Variants in VAV1 observed in about 807,000 individuals in gnomAD.
VAV1 encodes the protein proto-oncogene vav.
Under a neutral mutation model 128.1 loss-of-function variants are expected in VAV1, and 33 were observed. The ratio of observed to expected loss-of-function variants is 0.26; its 90% CI spans 0.20 to 0.34. The LOEUF (loss-of-function observed/expected upper bound fraction) is 0.34, where lower values mean the gene tolerates loss of function less well. Among genes scored for constraint, VAV1 ranks in the 10% least tolerant of loss-of-function variants. The pLI is 1.00. For synonymous variants in VAV1, 394 were observed against 409.8 expected, an observed-to-expected ratio of 0.96 and a Z score of 0.47; for missense variants, 715 against 1,093.7, an observed-to-expected ratio of 0.65 and a Z score of 4.88.
intron 1 of VAV1, among the ~76,000 whole-genome samples, chr19:6,796,488 A>G (rs759741803): frequency 2.0e-5 from 3 of 152,066 alleles, no homozygotes; most frequent in Non-Finnish European, 2.9e-5. Flanking sequence ...CCTGGCTCCA[A>G]CATGCCAGGG....
At chr19:6,808,723 C>A (rs962974804) in intron 1 of VAV1, among the ~76,000 whole-genome samples, 1 of 152,166 alleles carries the variant, frequency 6.6e-6, no homozygotes, top group African/African-American at 2.4e-5. Context: ...AACAAACAGT[C>A]CCCTAAAATG....
At chr19:6,836,852 ACACACACACACACACACACAC>A (rs1972236095) in intron 20 of VAV1, 112 bp from the exon 21 acceptor site, 4 of 64,326 alleles carry the variant, frequency 6.2e-5, no homozygotes, top group Non-Finnish European at 2.5e-4. Flanking sequence ...ACACACACAC[ACACACACACACACACACACAC>A]ACACACGAGT....
intron 2 of VAV1, among the ~76,000 whole-genome samples, chr19:6,821,294 C>T (rs560117320): frequency 4.2e-4 from 64 of 151,824 alleles, no homozygotes; most frequent in Admixed American, 6.6e-4. Flanking sequence ...CCAGCTACTC[C>T]GGAGGCTGAG....
intron 21 of VAV1, among the ~76,000 whole-genome samples, chr19:6,839,387 A>G (rs1972314084): frequency 6.6e-6 from 1 of 151,534 alleles, no homozygotes; most frequent in Non-Finnish European, 1.5e-5. Context: ...AAAATTCAGA[A>G]TACTGAGTAG....
At chr19:6,782,088 C>T (rs944962885) in intron 1 of VAV1, among the ~76,000 whole-genome samples, 2 of 152,022 alleles carry the variant, frequency 1.3e-5, no homozygotes, top group South Asian at 2.1e-4. Flanking sequence ...CCCAGCACTT[C>T]GGGAGGCTGA....
In VAV1 at chr19:6,826,460, G is replaced by C. The variant is rs1301290033; in HGVS notation, c.828-152G>C. The C allele has an allele frequency of 6.4e-6, 4 of 623,182 alleles. No individual in the cohort carries two copies. Among genetic ancestry groups the C allele is most frequent in the Non-Finnish European group, 1.2e-5 (4 of 343,306 alleles). 38.6% of individuals were successfully genotyped at this position (623,182 alleles called of 1,614,324 possible). Reference sequence around the variant, plus strand: ...GATAATGCTACAATAGCCTCACATGGGAGATGCTATTGTTATGCCCATTTC... The same window carrying C: ...GATAATGCTACAATAGCCTCACATGCGAGATGCTATTGTTATGCCCATTTC... On this transcript the variant is annotated intron_variant, in intron 8 of 26. Transcript: ENST00000602142. The surrounding 1 kb of genome is among the most constrained non-coding windows in gnomAD (Gnocchi z 4.1).
At chr19:6,842,058 C>T (rs1386385919) in intron 21 of VAV1, among the ~76,000 whole-genome samples, 1 of 151,786 alleles carries the variant, frequency 6.6e-6, no homozygotes, top group Non-Finnish European at 1.5e-5. Flanking sequence ...GAAACCCCAT[C>T]TCTACTAAAA....
At chr19:6,818,454 T>C (rs1434806189) in intron 1 of VAV1, among the ~76,000 whole-genome samples, 4 of 152,208 alleles carry the variant, frequency 2.6e-5, no homozygotes, top group Non-Finnish European at 5.9e-5. Context: ...CACATGGGCC[T>C]CCTTGCTGTT....
At chr19:6,850,301 G>C (rs1362444518) in intron 23 of VAV1, among the ~76,000 whole-genome samples, 2 of 127,184 alleles carry the variant, frequency 1.6e-5, no homozygotes, top group African/African-American at 6.1e-5. Flanking sequence ...GCCCCTTTTA[G>C]TCTATTTCCA....
rs771609375 is a variant in VAV1, at chr19:6,822,311, G to A, written c.540G>A (p.Ser180=). Residue 180 remains serine, a synonymous_variant, in exon 5 of 27, where the codon TCG becomes TCA. Transcript: ENST00000602142. This position sits in a 1 kb window ranked among gnomAD's most constrained non-coding sequence, Gnocchi z 5.9. ...AGATCTATGAGGACCTCATGCGCTCGGAGCCCGTGTCCATGCCGGTGCGTG... is the reference window on the plus strand; with the variant it reads ...AGATCTATGAGGACCTCATGCGCTCAGAGCCCGTGTCCATGCCGGTGCGTG... ...GDEIYEDLMR[S]EPVSMPPKMT... 2.5e-5 allele frequency: 39 copies of A among 1,581,832 alleles called. No homozygotes were observed. Among genetic ancestry groups the A allele is most frequent in the Non-Finnish European group, 2.9e-5 (34 of 1,165,312 alleles).
chr19:6,802,670 T>C (rs1222748496), intron 1 of VAV1, among the ~76,000 whole-genome samples: 2 of 152,166 alleles, frequency 1.3e-5, no homozygotes, highest in Non-Finnish European at 2.9e-5. Context: ...AGCGCCCTCA[T>C]TATGCCACTC....
At chr19:6,832,323 C>A in intron 15 of VAV1, 123 bp downstream of exon 15, 1 of 884,042 alleles carries the variant, frequency 1.1e-6, no homozygotes, top group Non-Finnish European at 1.7e-6. Context: ...ACAGTCTCTT[C>A]ATTTGGGAAA....
At chr19:6,795,627 C>T (rs1451596567) in intron 1 of VAV1, among the ~76,000 whole-genome samples, 1 of 152,084 alleles carries the variant, frequency 6.6e-6, no homozygotes, top group East Asian at 1.9e-4. Flanking sequence ...GGTGGCACGT[C>T]TTAGCTCTAC....
At chr19:6,805,619 C>T (rs1311141250) in intron 1 of VAV1, among the ~76,000 whole-genome samples, 2 of 149,664 alleles carry the variant, frequency 1.3e-5, no homozygotes, top group African/African-American at 2.5e-5. Context: ...CACACATACA[C>T]GCACACACAC....
intron 1 of VAV1, among the ~76,000 whole-genome samples, chr19:6,800,563 G>T (rs1351453909): frequency 6.6e-6 from 1 of 152,056 alleles, no homozygotes; most frequent in East Asian, 1.9e-4. Flanking sequence ...ACCCACCTCA[G>T]CGTCCCAAAG....
chr19:6,829,626 G>A (rs893903149), intron 13 of VAV1, among the ~76,000 whole-genome samples, 160 bp from the exon 14 acceptor site: 4 of 152,070 alleles, frequency 2.6e-5, no homozygotes, highest in Non-Finnish European at 4.4e-5. Flanking sequence ...GGGCCAATGC[G>A]GATCACGTGG....
In VAV1 at chr19:6,828,574, C is replaced by A. The variant is rs777610860; in HGVS notation, c.1093-48C>A. The A allele has an allele frequency of 1.9e-6, 3 of 1,613,648 alleles. No homozygotes were observed. In the South Asian group the frequency reaches 3.3e-5, roughly 18 times the overall value. ...TCCTCTAGCCGGGATTAGGTAGGAG[C>A]CTGGGTCGGCTGTTGGGGGGCCAGG... On this transcript the variant is annotated intron_variant, in intron 11 of 26. Coordinates refer to ENST00000602142, the MANE Select transcript of VAV1 (RefSeq NM_005428.4). The surrounding 1 kb of genome is among the most constrained non-coding windows in gnomAD (Gnocchi z 4.5).
At chr19:6,793,208 C>T (rs1000533086) in intron 1 of VAV1, among the ~76,000 whole-genome samples, 2 of 152,026 alleles carry the variant, frequency 1.3e-5, no homozygotes, top group South Asian at 2.1e-4. Flanking sequence ...GTGGCGGGTG[C>T]CTGTAGTCCC....
chr19:6,816,195 T>G (rs1465679290), intron 1 of VAV1, among the ~76,000 whole-genome samples: 2 of 152,024 alleles, frequency 1.3e-5, no homozygotes, highest in African/African-American at 4.8e-5. Flanking sequence ...AATTTTTTTG[T>G]GTTTTTGGTT....
Sources: gnomAD v4.1 joint callset for allele counts (sites outside exome capture counted in the v4.1 genomes callset) on GRCh38, gnomAD v4.1.1 for gene constraint, Gnocchi (gnomAD v3.1) non-coding constraint, MANE v1.5 for transcripts, NCBI Gene and HGNC (gene_info 2026-07-23, HGNC 2026-07-21) for gene names.